Variants in KIAA1210 observed in about 807,000 individuals in gnomAD.
KIAA1210 encodes acrosomal protein KIAA1210.
A neutral mutation model predicts 78.9 loss-of-function variants in KIAA1210; 48 were observed. The observed-to-expected ratio is 0.61, with a 90% CI of 0.48 to 0.77. KIAA1210 has a LOEUF of 0.77. KIAA1210 is among the 30% of genes least tolerant of loss of function. The pLI is 0.00. For missense variants in KIAA1210, 1,108 were observed against 1,100.0 expected (o/e 1.01, Z -0.10); for synonymous variants, 406 against 404.5 (o/e 1.00, Z -0.04).
At chrX:119,110,524 A>C (rs937413772) in intron 3 of KIAA1210, among the ~76,000 whole-genome samples, 130 of 111,784 alleles carry the variant, frequency 1.2e-3, no homozygotes, top group African/African-American at 4.0e-3. Context: ...GAAAGGAAGA[A>C]GTGAAATTAT....
At chrX:119,117,569 CTT>C (rs754223193) in intron 2 of KIAA1210, among the ~76,000 whole-genome samples, 1 of 91,821 alleles carries the variant, frequency 1.1e-5, no homozygotes. Flanking sequence ...TTGGGCTTTA[CTT>C]TTTTTTTTTT....
chrX:119,141,381 T>C (rs1330750573), intron 2 of KIAA1210, among the ~76,000 whole-genome samples: 2 of 112,087 alleles, frequency 1.8e-5, no homozygotes, highest in African/African-American at 6.5e-5. Flanking sequence ...TTTTCTGAAA[T>C]ACACTGCCTC....
intron 8 of KIAA1210, among the ~76,000 whole-genome samples, chrX:119,090,171 T>G (rs1927323040): frequency 9.9e-6 from 1 of 101,196 alleles, no homozygotes; most frequent in Admixed American, 1.1e-4. Context: ...ATCATGTGCA[T>G]GTATTGCTTT....
chrX:119,099,227 A>T (rs1179120581), intron 6 of KIAA1210, among the ~76,000 whole-genome samples: 4 of 113,017 alleles, frequency 3.5e-5, no homozygotes, highest in Non-Finnish European at 5.6e-5. Flanking sequence ...AACACTAAAG[A>T]TACTTAATTT....
intron 3 of KIAA1210, among the ~76,000 whole-genome samples, chrX:119,110,535 C>T (rs992812110): frequency 2.9e-4 from 32 of 111,637 alleles, no homozygotes; most frequent in African/African-American, 1.0e-3. Flanking sequence ...GTGAAATTAT[C>T]TCTATTCACA....
intron 6 of KIAA1210, among the ~76,000 whole-genome samples, chrX:119,099,889 C>T (rs1031053292): frequency 9.0e-6 from 1 of 111,719 alleles, no homozygotes; most frequent in African/African-American, 3.3e-5. Context: ...AAGAGAACGG[C>T]TCCCATTTTC....
chrX:119,150,508 G>A, exon 1 of KIAA1210: 3 of 1,211,139 alleles, frequency 2.5e-6, no homozygotes, highest in Non-Finnish European at 3.4e-6. Context: ...GGTGAGCCAG[G>A]TAGGGGTGCC....
intron 3 of KIAA1210, among the ~76,000 whole-genome samples, chrX:119,116,065 G>A (rs1250169827): frequency 8.9e-6 from 1 of 111,887 alleles, no homozygotes; most frequent in Non-Finnish European, 1.9e-5. Flanking sequence ...GGCTAGATCG[G>A]TAGTCTGAGA....
rs1356087599 is a variant in KIAA1210 at position 119,087,561 on chromosome X, A to T, written c.3141T>A (p.Asn1047Lys). The change falls in exon 9 of 12, where the codon AAT becomes AAA. Residue 1047 changes from asparagine (N) to lysine (K), a missense_variant. Transcript: ENST00000691062. ...RGSDVAPLPP[N>K]LPSKSLSKPE... ...GCTTTGATAAAGATTTGGAAGGAAG[A>T]TTGGGAGGCAGAGGTGCCACATCAC... The T allele has an allele frequency of 2.5e-6, 3 of 1,209,751 alleles. No individual in the cohort carries two copies. The highest frequency in any genetic ancestry group is 3.4e-6 in the Non-Finnish European group (3 of 895,095).
chrX:119,124,146 G>A (rs1175219554), intron 1 of KIAA1210, among the ~76,000 whole-genome samples: 1 of 111,916 alleles, frequency 8.9e-6, no homozygotes, highest in Non-Finnish European at 1.9e-5. Flanking sequence ...ACAGGCGCAT[G>A]CCACAACACC....
intron 2 of KIAA1210, among the ~76,000 whole-genome samples, chrX:119,120,810 T>C (rs1569320726): frequency 9.0e-6 from 1 of 111,516 alleles, no homozygotes; most frequent in Non-Finnish European, 1.9e-5. Flanking sequence ...AGTGTGGTGG[T>C]GGTATAGCTT....
intron 1 of KIAA1210, among the ~76,000 whole-genome samples, chrX:119,125,714 CATATATATAT>C (rs1193124266): frequency 4.5e-4 from 2 of 4,443 alleles, no homozygotes; most frequent in Non-Finnish European, 3.2e-3. Flanking sequence ...CCAGCTAATA[CATATATATAT>C]ATATATATAT....
intron 5 of KIAA1210, among the ~76,000 whole-genome samples, 178 bp downstream of exon 5, chrX:119,108,159 C>T (rs1927947048): frequency 9.0e-6 from 1 of 111,607 alleles, no homozygotes; most frequent in Non-Finnish European, 1.9e-5. Context: ...TCCTCACAAG[C>T]AACCCTTTGA....
At chrX:119,100,503 TCTC>T (rs1160560190) in intron 6 of KIAA1210, among the ~76,000 whole-genome samples, 2 of 110,030 alleles carry the variant, frequency 1.8e-5, no homozygotes, top group African/African-American at 6.6e-5. Flanking sequence ...CAACCCTACT[TCTC>T]CTTCCACGCA....
intron 2 of KIAA1210, among the ~76,000 whole-genome samples, chrX:119,118,794 G>A (rs1928355515): frequency 8.9e-6 from 1 of 112,199 alleles, no homozygotes; most frequent in Non-Finnish European, 1.9e-5. Context: ...TCATTCATTC[G>A]TTCATTCATC....
At chrX:119,115,792 A>G (rs1298773713) in intron 3 of KIAA1210, among the ~76,000 whole-genome samples, 1 of 111,843 alleles carries the variant, frequency 8.9e-6, no homozygotes, top group Non-Finnish European at 1.9e-5. Context: ...GTGTCCAGAT[A>G]GCACAATAGG....
intron 7 of KIAA1210, among the ~76,000 whole-genome samples, chrX:119,095,539 C>T (rs1045404817): frequency 9.0e-6 from 1 of 111,248 alleles, no homozygotes; most frequent in Admixed American, 9.6e-5. Flanking sequence ...CAGGGATGTG[C>T]TACCACACCT....
chrX:119,108,488 GA>G lies in KIAA1210; in HGVS notation c.358-18del, dbSNP rs778757738. ...ATGGGATCTCTGTGTAAGAGAGAGA[GA>G]AAAAAACTTGAGGATTGGTATGCCA... On this transcript the variant is annotated intron_variant, in intron 4 of 11. Transcript: ENST00000691062. 4.2e-6 allele frequency: 5 copies of G among 1,193,633 alleles called. No homozygotes were observed. Among genetic ancestry groups the G allele is most frequent in the Non-Finnish European group, 5.6e-6 (5 of 888,248 alleles).
intron 2 of KIAA1210, among the ~76,000 whole-genome samples, chrX:119,120,347 G>A (rs1221332227): frequency 8.9e-6 from 1 of 112,268 alleles, no homozygotes; most frequent in African/African-American, 3.2e-5. Context: ...GTGGAAGAGA[G>A]GAAAGCAAAG....
Sources: gnomAD v4.1 joint callset for allele counts (sites outside exome capture counted in the v4.1 genomes callset) on GRCh38, gnomAD v4.1.1 for gene constraint, MANE v1.5 for transcripts, NCBI Gene and HGNC (gene_info 2026-07-23, HGNC 2026-07-21) for gene names.